Variants in TBL1XR1 observed in about 807,000 individuals in gnomAD.
TBL1XR1 encodes F-box-like/WD repeat-containing protein TBL1XR1.
A neutral mutation model predicts 66.9 loss-of-function variants in TBL1XR1; 5 were observed. The observed-to-expected ratio is 0.07, with a 90% CI of 0.04 to 0.16. TBL1XR1 has a LOEUF of 0.16. TBL1XR1 is among the 10% of genes least tolerant of loss of function. TBL1XR1 has a pLI of 1.00. For synonymous variants in TBL1XR1, 210 were observed against 206.0 expected (o/e 1.02, Z -0.17); for missense variants, 238 against 623.2 (o/e 0.38, Z 6.58).
chr3:177,026,671 A>G (rs1307226841), intron 14 of TBL1XR1, 197 bp from the exon 15 acceptor site: 3 of 489,460 alleles, frequency 6.1e-6, no homozygotes, highest in Non-Finnish European at 7.1e-6. Flanking sequence ...CTGTTCTCAA[A>G]AGATTACTCA....
At chr3:177,195,651 A>C (rs1736751578) in intron 1 of TBL1XR1, 1 of 151,538 alleles carries the variant, frequency 6.6e-6, no homozygotes, top group African/African-American at 2.4e-5. Flanking sequence ...TATTATCCAA[A>C]CTGGTGAAGA....
At chr3:177,032,221 G>A (rs933798555) in intron 14 of TBL1XR1, 1 of 152,184 alleles carries the variant, frequency 6.6e-6, no homozygotes, top group African/African-American at 2.4e-5. Context: ...GTTTCTCAGT[G>A]TATACCTTTA....
At chr3:177,068,402 T>C (rs1388953948) in intron 2 of TBL1XR1, among the ~76,000 whole-genome samples, 1 of 152,232 alleles carries the variant, frequency 6.6e-6, no homozygotes, top group Non-Finnish European at 1.5e-5. Flanking sequence ...AGTCTTAATA[T>C]TTAGCCAATT....
Position 177,159,933 on chromosome 3 carries a change from G to A in TBL1XR1, c.-122+37188C>T, listed in dbSNP as rs574288175. On this transcript the variant is annotated intron_variant, in intron 1 of 15. Coordinates refer to ENST00000457928, the MANE Select transcript of TBL1XR1 (RefSeq NM_024665.7). Reference sequence around the variant, plus strand: ...TAAGCTATATTAATAGGTCAAGGTCGTTAATACCACCACATTAATGCATTT... The same window carrying A: ...TAAGCTATATTAATAGGTCAAGGTCATTAATACCACCACATTAATGCATTT... 3.3e-5 allele frequency among the ~76,000 whole-genome samples: 5 copies of A among 152,260 alleles called. No individual in the cohort carries two copies. The East Asian group carries it at 5.8e-4, about 18-fold the overall frequency.
intron 2 of TBL1XR1, among the ~76,000 whole-genome samples, chr3:177,084,373 G>A (rs1017289061): frequency 6.6e-6 from 1 of 152,130 alleles, no homozygotes; most frequent in African/African-American, 2.4e-5. Flanking sequence ...AATAGATGAG[G>A]TCTGTCTGGT....
chr3:177,155,106 A>C (rs539698654), intron 1 of TBL1XR1, among the ~76,000 whole-genome samples: 8 of 152,238 alleles, frequency 5.3e-5, no homozygotes, highest in Non-Finnish European at 8.8e-5. Flanking sequence ...AGTAAAATGC[A>C]GCTAAAGCAA....
chr3:177,137,654 G>T (rs1260474221), intron 1 of TBL1XR1, among the ~76,000 whole-genome samples: 1 of 152,064 alleles, frequency 6.6e-6, no homozygotes, highest in African/African-American at 2.4e-5. Flanking sequence ...CACGCAAAAT[G>T]AAGGGAAAAG....
chr3:177,081,363 T>C (rs1031834425), intron 2 of TBL1XR1, among the ~76,000 whole-genome samples: 2 of 152,248 alleles, frequency 1.3e-5, no homozygotes, highest in African/African-American at 4.8e-5. Flanking sequence ...GATAACTCTT[T>C]AGGGTTCTAT....
intron 1 of TBL1XR1, among the ~76,000 whole-genome samples, chr3:177,113,166 G>A (rs550758004): frequency 1.3e-5 from 2 of 152,076 alleles, no homozygotes; most frequent in East Asian, 1.9e-4. Flanking sequence ...ATATTCACAT[G>A]TAGAAAAATG....
intron 1 of TBL1XR1, among the ~76,000 whole-genome samples, chr3:177,132,663 T>C (rs1261294015): frequency 6.6e-6 from 1 of 151,800 alleles, no homozygotes; most frequent in African/African-American, 2.4e-5. Context: ...GGAAAGGAGA[T>C]GGGGAACATG....
intron 1 of TBL1XR1, among the ~76,000 whole-genome samples, chr3:177,140,638 G>GAA (rs1484108095): frequency 6.6e-6 from 1 of 152,162 alleles, no homozygotes; most frequent in African/African-American, 2.4e-5. Flanking sequence ...GTATGAACCA[G>GAA]AAGTAACAAG....
chr3:177,182,933 T>C (rs537545143), intron 1 of TBL1XR1, among the ~76,000 whole-genome samples: 1 of 152,320 alleles, frequency 6.6e-6, no homozygotes, highest in East Asian at 1.9e-4. Context: ...TGAGAAGCAT[T>C]CAGGGTTCCT....
intron 1 of TBL1XR1, among the ~76,000 whole-genome samples, chr3:177,171,679 G>A (rs369089071): frequency 1.6e-3 from 188 of 121,232 alleles, no homozygotes; most frequent in African/African-American, 5.5e-3. Flanking sequence ...CTCCAGCCTG[G>A]GCAACAGAGC....
rs1216702533 is a variant in TBL1XR1, at chr3:177,053,888, A to G, written c.89T>C (p.Ile30Thr). The G allele has an allele frequency of 1.2e-6, 2 of 1,611,848 alleles. No homozygotes were observed. The highest frequency in any genetic ancestry group is 1.7e-5 in the Admixed American group (1 of 59,564). The change falls in exon 4 of 16, where the codon ATA (isoleucine) becomes ACA (threonine). Residue 30 changes from isoleucine to threonine, a missense_variant. This residue lies in a region of TBL1XR1 where 9 missense variants were observed against 87.4 expected (regional missense o/e 0.10). Transcript: ENST00000457928. ...GFSHSAFTFGIESHISQSNIN... is the reference protein window; with the variant it reads ...GFSHSAFTFGTESHISQSNIN... ...ATTGGACTGACTGATATGGCTTTCTATACCAAAGGTAAATGCTGAATGAGA... is the reference window on the plus strand; with the variant it reads ...ATTGGACTGACTGATATGGCTTTCTGTACCAAAGGTAAATGCTGAATGAGA...
At chr3:177,123,322 T>C (rs1404539799) in intron 1 of TBL1XR1, among the ~76,000 whole-genome samples, 1 of 152,070 alleles carries the variant, frequency 6.6e-6, no homozygotes, top group Non-Finnish European at 1.5e-5. Flanking sequence ...AACATCTTCA[T>C]ATTAATTGAT....
At chr3:177,195,210 A>C (rs1203571781) in intron 1 of TBL1XR1, among the ~76,000 whole-genome samples, 1 of 152,060 alleles carries the variant, frequency 6.6e-6, no homozygotes, top group Admixed American at 6.6e-5. Flanking sequence ...AAAAAATCAT[A>C]TTCCAAACAA....
chr3:177,061,043 C>T (rs148835481), intron 3 of TBL1XR1, among the ~76,000 whole-genome samples: 18 of 152,194 alleles, frequency 1.2e-4, no homozygotes, highest in African/African-American at 3.9e-4. Context: ...AAGTAATTTG[C>T]GTAGGGTGAA....
intron 1 of TBL1XR1, among the ~76,000 whole-genome samples, chr3:177,129,169 T>C (rs1290417215): frequency 2.0e-5 from 3 of 152,186 alleles, no homozygotes. Context: ...AATTGTATTA[T>C]ACTTTTTTTA....
intron 1 of TBL1XR1, chr3:177,163,904 ATGT>A (rs1732516220): frequency 6.6e-6 from 1 of 152,192 alleles, no homozygotes; most frequent in South Asian, 2.1e-4. Context: ...GTTTAGATTT[ATGT>A]TATTACAATT....
Sources: allele counts gnomAD v4.1 joint callset (sites outside exome capture counted in the v4.1 genomes callset), GRCh38; gene constraint gnomAD v4.1.1; regional missense constraint gnomAD v4.1.1; transcripts MANE v1.5; gene names NCBI Gene and HGNC (gene_info 2026-07-23, HGNC 2026-07-21).